The following PAX7 variants were observed in gnomAD, a reference collection of about 807,000 sequenced individuals.
PAX7 encodes the protein paired box protein Pax-7.
PAX7 carries 18 observed loss-of-function variants against 50.7 expected under a neutral mutation model. That is an observed-to-expected ratio of 0.36 (90% confidence interval 0.25 to 0.53). The LOEUF is 0.53. Among genes scored for constraint, PAX7 ranks in the 20% least tolerant of loss-of-function variants. The pLI, the probability that PAX7 is intolerant of heterozygous loss-of-function variation, is 0.93. For synonymous variants in PAX7, 310 were observed against 290.4 expected, an observed-to-expected ratio of 1.07 and a Z score of -0.69; for missense variants, 644 against 702.9, an observed-to-expected ratio of 0.92 and a Z score of 0.95.
chr1:18,648,288 C>T (rs1363983858), intron 4 of PAX7, among the ~76,000 whole-genome samples: 1 of 149,700 alleles, frequency 6.7e-6, no homozygotes, highest in African/African-American at 2.5e-5. Context: ...TTTGGAAGTT[C>T]TTTGAAGGCA....
intron 5 of PAX7, among the ~76,000 whole-genome samples, chr1:18,699,145 C>T (rs1160859236): frequency 6.6e-6 from 1 of 152,214 alleles, no homozygotes; most frequent in African/African-American, 2.4e-5. Flanking sequence ...ATTCCTTGAA[C>T]ACTTACTGAG....
chr1:18,716,460 T>C (rs1189969739), intron 7 of PAX7, among the ~76,000 whole-genome samples: 1 of 151,928 alleles, frequency 6.6e-6, no homozygotes, highest in Non-Finnish European at 1.5e-5. Context: ...GAACTTTCTC[T>C]TGGGCTCAGT....
chr1:18,688,185 A>G (rs2089003946), intron 4 of PAX7, among the ~76,000 whole-genome samples: 1 of 152,252 alleles, frequency 6.6e-6, no homozygotes, highest in African/African-American at 2.4e-5. Context: ...AAGGATACTA[A>G]TGCTCTTATA....
At chr1:18,653,085 A>G (rs540480294) in intron 4 of PAX7, among the ~76,000 whole-genome samples, 18 of 152,166 alleles carry the variant, frequency 1.2e-4, no homozygotes, top group Non-Finnish European at 2.5e-4. Context: ...GCTGATTCAC[A>G]GGGTCCTTTG....
intron 4 of PAX7, among the ~76,000 whole-genome samples, chr1:18,655,161 T>C (rs2088494610): frequency 6.6e-6 from 1 of 151,746 alleles, no homozygotes; most frequent in South Asian, 2.1e-4. Flanking sequence ...ATAAAGACTG[T>C]TATTTTCAAT....
At chr1:18,719,660 C>G (rs1471466972) in intron 7 of PAX7, among the ~76,000 whole-genome samples, 1 of 152,244 alleles carries the variant, frequency 6.6e-6, no homozygotes, top group Non-Finnish European at 1.5e-5. Flanking sequence ...CAAGGGGCTC[C>G]CTTCCCTTCT....
Position 18,634,491 on chromosome 1 carries a change from G to A in PAX7, c.274G>A (p.Glu92Lys), listed in dbSNP as rs768612253. ...CVSKILCRYQ[E>K]TGSIRPGAIG... ...CTCCAAGATTCTTTGCCGCTACCAGGAGACCGGGTCCATCCGGCCTGGGGC... is the reference window on the plus strand; with the variant it reads ...CTCCAAGATTCTTTGCCGCTACCAGAAGACCGGGTCCATCCGGCCTGGGGC... The change falls in exon 2 of 9, where the codon GAG becomes AAG. Residue 92 changes from glutamate to lysine, a missense_variant. Physicochemically the swap from Glu to Lys is moderately conservative, Grantham distance 56. Coordinates refer to ENST00000420770, the MANE Select transcript of PAX7 (RefSeq NM_001135254.2). This position sits in a 1 kb window ranked among gnomAD's most constrained non-coding sequence, Gnocchi z 4.0. 68 of 1,614,022 alleles carry A rather than the reference G, an allele frequency of 4.2e-5. No homozygotes were observed. The highest frequency in any genetic ancestry group is 5.6e-5 in the Non-Finnish European group (66 of 1,180,058).
chr1:18,748,809 T>C lies in PAX7; in HGVS notation c.*3880T>C. The stretch of plus-strand genomic sequence containing the variant: ...ATTTGCTTTAACTACCTGCTGCTTG[T>C]AAGCGCTTCCTCTGTAACTCAGGCG... On this transcript the variant is annotated 3_prime_UTR_variant, in exon 9 of 9. Transcript: ENST00000420770. The C allele has an allele frequency of 4.6e-6, 1 of 216,676 alleles. No homozygotes were observed. The highest frequency in any genetic ancestry group is 6.8e-5 in the East Asian group (1 of 14,812). The allele number at this position is 216,676 out of a possible 1,614,324, so 13.4% of individuals were successfully genotyped here. A position where few individuals can be genotyped will look rare whatever the true frequency, so the allele number is the denominator to read the frequency against.
rs190315364 is a variant in PAX7 at position 18,677,694 on chromosome 1, G to C, written c.587-14060G>C. Among the ~76,000 whole-genome samples, 46 of 152,310 alleles carry C rather than the reference G, an allele frequency of 3.0e-4. 1 individual carries two copies. In the South Asian group the frequency reaches 5.6e-3, roughly 19 times the overall value. On this transcript the variant is annotated intron_variant, in intron 4 of 8. Transcript: ENST00000420770. Reference sequence around the variant, plus strand: ...GTCCTGGGAGAGAAGCTGTGACTCTGGGGAAGCTTAATCAGTTCTCCTTGC... The same window carrying C: ...GTCCTGGGAGAGAAGCTGTGACTCTCGGGAAGCTTAATCAGTTCTCCTTGC...
chr1:18,707,382 C>A (rs1209672484), intron 7 of PAX7, among the ~76,000 whole-genome samples: 3 of 134,106 alleles, frequency 2.2e-5, no homozygotes, highest in Non-Finnish European at 4.9e-5. Context: ...AGCCTGAAAT[C>A]TTTTCCTTTT....
At chr1:18,689,915 G>A (rs1281293150) in intron 4 of PAX7, among the ~76,000 whole-genome samples, 1 of 152,240 alleles carries the variant, frequency 6.6e-6, no homozygotes, top group African/African-American at 2.4e-5. Context: ...GAGGGGCCTA[G>A]GCCTATTCCT....
chr1:18,720,069 C>G (rs2089475338), intron 7 of PAX7, among the ~76,000 whole-genome samples: 2 of 152,200 alleles, frequency 1.3e-5, no homozygotes, highest in Non-Finnish European at 2.9e-5. Context: ...ACTAAATTCT[C>G]TCCTCCAAGC....
chr1:18,721,678 G>A (rs945755117), intron 7 of PAX7, among the ~76,000 whole-genome samples: 28 of 152,226 alleles, frequency 1.8e-4, no homozygotes, highest in Non-Finnish European at 1.0e-4. Context: ...TGATACCAGA[G>A]CCACTCATGG....
intron 4 of PAX7, among the ~76,000 whole-genome samples, chr1:18,675,209 C>A (rs1014811709): frequency 6.6e-6 from 1 of 152,102 alleles, no homozygotes; most frequent in African/African-American, 2.4e-5. Context: ...CCCTCAGCAG[C>A]CCCCTTCTTT....
chr1:18,639,918 T>C (rs1460541140), intron 4 of PAX7, among the ~76,000 whole-genome samples: 1 of 145,326 alleles, frequency 6.9e-6, no homozygotes, highest in Non-Finnish European at 1.5e-5. Context: ...TAATATGAAA[T>C]ATAGGGAAAA....
At chr1:18,740,961 G>A (rs80097531) in intron 8 of PAX7, among the ~76,000 whole-genome samples, 2 of 152,180 alleles carry the variant, frequency 1.3e-5, no homozygotes, top group Admixed American at 1.3e-4. Context: ...TGGAGGTAGA[G>A]AGTCAAATGA....
rs1444261176 is a variant in PAX7, at chr1:18,632,434, C to G, written c.85+746C>G. 1.3e-5 allele frequency among the ~76,000 whole-genome samples: 2 copies of G among 152,096 alleles called. No individual in the cohort carries two copies. The highest frequency in any genetic ancestry group is 2.9e-5 in the Non-Finnish European group (2 of 68,004). On this transcript the variant is annotated intron_variant, in intron 1 of 8. Coordinates refer to ENST00000420770, the MANE Select transcript of PAX7 (RefSeq NM_001135254.2). The surrounding 1 kb of genome is among the most constrained non-coding windows in gnomAD (Gnocchi z 6.3). ...CCTTCCTAAACATCCAGCGCCCGCCCGGGGAGACCCGATAGGACGGGCGGC... is the reference window on the plus strand; with the variant it reads ...CCTTCCTAAACATCCAGCGCCCGCCGGGGGAGACCCGATAGGACGGGCGGC...
At chr1:18,657,434 G>C (rs1335165828) in intron 4 of PAX7, among the ~76,000 whole-genome samples, 1 of 151,710 alleles carries the variant, frequency 6.6e-6, no homozygotes, top group Non-Finnish European at 1.5e-5. Flanking sequence ...TTTAAAAACT[G>C]CCTGATGGCA....
chr1:18,704,714 A>AG (rs1557541374), intron 7 of PAX7, among the ~76,000 whole-genome samples: 1 of 151,978 alleles, frequency 6.6e-6, no homozygotes, highest in Non-Finnish European at 1.5e-5. Context: ...AAAAAAAAAA[A>AG]CAAACCTTTG....
Sources: gnomAD v4.1 joint callset for allele counts (sites outside exome capture counted in the v4.1 genomes callset) on GRCh38, gnomAD v4.1.1 for gene constraint, Gnocchi (gnomAD v3.1) non-coding constraint, MANE v1.5 for transcripts, NCBI Gene and HGNC (gene_info 2026-07-23, HGNC 2026-07-21) for gene names.